KDELR1: variants seen among roughly 807,000 people sequenced by gnomAD.
KDELR1 encodes KDEL endoplasmic reticulum protein retention receptor 1.
In KDELR1, 16 loss-of-function variants were observed where a neutral mutation model predicts 25.5. The ratio of observed to expected loss-of-function variants is 0.63; its 90% CI spans 0.43 to 0.95. The LOEUF (loss-of-function observed/expected upper bound fraction) is 0.95, where lower values mean the gene tolerates loss of function less well. KDELR1 is among the 40% of genes least tolerant of loss of function. KDELR1 has a pLI of 0.00. For missense variants in KDELR1, 159 were observed against 265.2 expected (o/e 0.60, Z 2.78); for synonymous variants, 121 against 115.0 (o/e 1.05, Z -0.33).
At chr19:48,390,571 G>GAC (rs1569053490) in intron 1 of KDELR1, 47 bp from the exon 2 acceptor site, 1 of 1,295,252 alleles carries the variant, frequency 7.7e-7, no homozygotes, top group Non-Finnish European at 1.1e-6. Flanking sequence ...GACAGAGAGA[G>GAC]AGAGAGAGAC....
intron 3 of KDELR1, among the ~76,000 whole-genome samples, chr19:48,385,687 C>A (rs1970490040): frequency 6.6e-6 from 1 of 152,192 alleles, no homozygotes; most frequent in East Asian, 1.9e-4. Flanking sequence ...GAGAGCAAAG[C>A]CAGGTGGCAG....
intron 3 of KDELR1, among the ~76,000 whole-genome samples, chr19:48,385,557 T>A (rs1970488999): frequency 6.6e-6 from 1 of 152,230 alleles, no homozygotes; most frequent in Non-Finnish European, 1.5e-5. Context: ...CCATCATTCA[T>A]GAGCAGGACA....
chr19:48,387,249 A>G (rs1475819657), intron 3 of KDELR1, among the ~76,000 whole-genome samples: 1 of 151,856 alleles, frequency 6.6e-6, no homozygotes, highest in African/African-American at 2.4e-5. Context: ...GGTGGTAACA[A>G]TATGTTTGCA....
chr19:48,395,785 G>T (rs1446274011), upstream of KDELR1, among the ~76,000 whole-genome samples: 1 of 152,114 alleles, frequency 6.6e-6, no homozygotes, highest in Non-Finnish European at 1.5e-5. Flanking sequence ...AAACCAAAAG[G>T]GGATCCTTAA....
chr19:48,393,540 A>T (rs1569054938), upstream of KDELR1, among the ~76,000 whole-genome samples: 1 of 152,004 alleles, frequency 6.6e-6, no homozygotes, highest in Non-Finnish European at 1.5e-5. This position sits in a 1 kb window ranked among gnomAD's most constrained non-coding sequence, Gnocchi z 5.6. Flanking sequence ...AGGAAGGCAG[A>T]GGCTGGTAGC....
At chr19:48,383,687 T>C (rs559565292) in intron 4 of KDELR1, among the ~76,000 whole-genome samples, 1 of 152,098 alleles carries the variant, frequency 6.6e-6, no homozygotes, top group East Asian at 1.9e-4. Context: ...TTTATTTTTT[T>C]ATTTTTTATA....
chr19:48,389,849 A>G lies in KDELR1; in HGVS notation c.193-138T>C, dbSNP rs1472358030. On this transcript the variant is annotated intron_variant, in intron 2 of 4. Transcript: ENST00000330720. ...CCTCCTCCCTCAGACCCAGGAGTCCAAGCCCCCAGCCCCTCCTCCCTCAGA... is the reference window on the plus strand; with the variant it reads ...CCTCCTCCCTCAGACCCAGGAGTCCGAGCCCCCAGCCCCTCCTCCCTCAGA... 5.0e-5 allele frequency: 41 copies of G among 826,736 alleles called. No homozygotes were observed. In the South Asian group the frequency reaches 5.8e-4, roughly 12 times the overall value. 51.2% of individuals were successfully genotyped at this position (826,736 alleles called of 1,614,324 possible). A position where few individuals can be genotyped will look rare whatever the true frequency, so the allele number is the denominator to read the frequency against.
chr19:48,389,636 G>A lies in KDELR1; in HGVS notation c.268C>T (p.His90Tyr). The A allele has an allele frequency of 6.2e-7, 1 of 1,614,142 alleles. No individual in the cohort carries two copies. Among genetic ancestry groups the A allele is most frequent in the Non-Finnish European group, 8.5e-7 (1 of 1,179,990 alleles). ...AGGAACTCCACTCTGAACGTGTCAT[G>A]GTTCCCATCGTAAGTAGCTTTGAAC... is the stretch of plus-strand genomic sequence containing the variant. ...SKFKATYDGN[H>Y]DTFRVEFLVV... Residue 90 changes from histidine (H) to tyrosine (Y), a missense_variant, in exon 3 of 5, where the codon CAT becomes TAT. Transcript: ENST00000330720.
upstream of KDELR1, among the ~76,000 whole-genome samples, chr19:48,394,259 TGCGTGTGTG>T (rs1970604368): frequency 2.0e-5 from 3 of 151,678 alleles, no homozygotes; most frequent in Admixed American, 6.6e-5. This position sits in a 1 kb window ranked among gnomAD's most constrained non-coding sequence, Gnocchi z 5.1. Flanking sequence ...AGTGAGATCG[TGCGTGTGTG>T]CGTGAGTGTA....
rs1254094275 is a variant in KDELR1, at chr19:48,390,393, G to A, written c.192+31C>T. 14 of 1,521,724 alleles carry A rather than the reference G, an allele frequency of 9.2e-6. No individual in the cohort carries two copies. In the East Asian group the frequency reaches 2.3e-4, roughly 24 times the overall value. The allele number at this position is 1,521,724 out of a possible 1,614,324, so 94.3% of individuals were successfully genotyped here. On this transcript the variant is annotated intron_variant, in intron 2 of 4. Coordinates refer to ENST00000330720, the MANE Select transcript of KDELR1 (RefSeq NM_006801.3). ...CCACACCCGGCTCCTCTGCCTCAGTGGGGGCCAGAGAGGTGGGGTGGAGCC... is the reference window on the plus strand; with the variant it reads ...CCACACCCGGCTCCTCTGCCTCAGTAGGGGCCAGAGAGGTGGGGTGGAGCC...
At chr19:48,393,728 C>A (rs1970592393), upstream of KDELR1, among the ~76,000 whole-genome samples, 1 of 152,074 alleles carries the variant, frequency 6.6e-6, no homozygotes, top group Admixed American at 6.5e-5. This position sits in a 1 kb window ranked among gnomAD's most constrained non-coding sequence, Gnocchi z 5.6. Flanking sequence ...CCCGCTCCAG[C>A]TCCTCCAAGC....
At chr19:48,392,387 G>A (rs542610906), upstream of KDELR1, among the ~76,000 whole-genome samples, 19 of 146,400 alleles carry the variant, frequency 1.3e-4, no homozygotes, top group African/African-American at 4.1e-4. Flanking sequence ...AGACCCAGGG[G>A]TCCAGGGCCC....
At chr19:48,383,699 T>G (rs1233446066) in intron 4 of KDELR1, among the ~76,000 whole-genome samples, 1 of 152,042 alleles carries the variant, frequency 6.6e-6, no homozygotes, top group Non-Finnish European at 1.5e-5. Flanking sequence ...TTTTTTATAG[T>G]GACAGGGTCT....
rs777710744 is a variant in KDELR1, at chr19:48,384,206, C to T, written c.604+24G>A. The T allele has an allele frequency of 2.5e-6, 4 of 1,611,562 alleles. No homozygotes were observed. The highest frequency in any genetic ancestry group is 3.4e-6 in the Non-Finnish European group (4 of 1,177,904). ...AGCTGCAGAAATAGGAGGTTCCCTTCCAGCCGTCCCACATTCCAGCTACCT... is the reference window on the plus strand; with the variant it reads ...AGCTGCAGAAATAGGAGGTTCCCTTTCAGCCGTCCCACATTCCAGCTACCT... On this transcript the variant is annotated intron_variant, in intron 4 of 4. Coordinates refer to ENST00000330720, the MANE Select transcript of KDELR1 (RefSeq NM_006801.3). The surrounding 1 kb of genome is among the most constrained non-coding windows in gnomAD (Gnocchi z 4.6).
upstream of KDELR1, among the ~76,000 whole-genome samples, chr19:48,395,279 T>TC (rs905993918): frequency 6.8e-6 from 1 of 147,302 alleles, no homozygotes; most frequent in Non-Finnish European, 1.5e-5. Flanking sequence ...CCTGCATCAG[T>TC]CCCCCCATCG....
At chr19:48,389,431 T>C (rs753052636) in intron 3 of KDELR1, 122 bp downstream of exon 3, 21 of 1,117,146 alleles carry the variant, frequency 1.9e-5, no homozygotes, top group Non-Finnish European at 2.8e-5. Flanking sequence ...ACTGAACTTA[T>C]GCATCCTAAA....
upstream of KDELR1, chr19:48,391,582 G>A: frequency 1.8e-6 from 1 of 547,300 alleles, no homozygotes; most frequent in Non-Finnish European, 3.3e-6. Context: ...GAGGAGTCCG[G>A]GAGGAGAGGC....
chr19:48,390,975 CG>C lies in KDELR1; in HGVS notation c.91+292del, dbSNP rs1600959855. 10 of 505,836 alleles carry C rather than the reference CG, an allele frequency of 2.0e-5. No homozygotes were observed. In the East Asian group the frequency reaches 3.7e-4, roughly 19 times the overall value. The allele number at this position is 505,836 out of a possible 1,614,324, so 31.3% of individuals were successfully genotyped here. A position where few individuals can be genotyped will look rare whatever the true frequency, so the allele number is the denominator to read the frequency against. ...CGTCACCAACTCACAGCCACCTCCC[CG>C]CCTGCCATGGTTCCCTGTTCCCGGT... On this transcript the variant is annotated intron_variant, in intron 1 of 4. Coordinates refer to ENST00000330720, the MANE Select transcript of KDELR1 (RefSeq NM_006801.3).
upstream of KDELR1, among the ~76,000 whole-genome samples, chr19:48,395,752 G>A (rs1970632102): frequency 6.6e-6 from 1 of 152,108 alleles, no homozygotes; most frequent in Non-Finnish European, 1.5e-5. Flanking sequence ...GGGCACCCAG[G>A]ATGTTGGGAA....
Sources: gnomAD v4.1 joint callset for allele counts (sites outside exome capture counted in the v4.1 genomes callset) on GRCh38, gnomAD v4.1.1 for gene constraint, Gnocchi (gnomAD v3.1) non-coding constraint, MANE v1.5 for transcripts, NCBI Gene and HGNC (gene_info 2026-07-23, HGNC 2026-07-21) for gene names.